TRPM6: variants seen among roughly 807,000 people sequenced by gnomAD.
TRPM6 encodes transient receptor potential cation channel subfamily M member 6.
A neutral mutation model predicts 247.6 loss-of-function variants in TRPM6; 111 were observed. The ratio of observed to expected loss-of-function variants is 0.45; its 90% CI spans 0.38 to 0.52. The LOEUF (loss-of-function observed/expected upper bound fraction) is 0.52. Ranked by LOEUF, TRPM6 falls within the 20% of genes least tolerant of loss-of-function variation. The pLI is 0.00. For missense variants in TRPM6, 2,126 were observed against 2,421.5 expected (o/e 0.88, Z 2.56); for synonymous variants, 892 against 853.8 (o/e 1.04, Z -0.78).
intron 1 of TRPM6, among the ~76,000 whole-genome samples, chr9:74,877,280 C>T (rs1434773559): frequency 6.6e-6 from 1 of 152,140 alleles, no homozygotes; most frequent in Non-Finnish European, 1.5e-5. Context: ...AATGTTCATA[C>T]CAGCATAATT....
chr9:74,863,018 GT>G (rs1830736104), intron 1 of TRPM6, among the ~76,000 whole-genome samples: 1 of 151,730 alleles, frequency 6.6e-6, no homozygotes, highest in African/African-American at 2.4e-5. Context: ...ATGAAACAAA[GT>G]TTTTTTGTTT....
At chr9:74,866,051 A>C (rs149275884) in intron 1 of TRPM6, among the ~76,000 whole-genome samples, 8 of 152,224 alleles carry the variant, frequency 5.3e-5, no homozygotes, top group Admixed American at 5.2e-4. Flanking sequence ...CTAGAATCCC[A>C]GCACTTTGGG....
intron 25 of TRPM6, among the ~76,000 whole-genome samples, chr9:74,765,925 T>A (rs35881520): frequency 5.9e-5 from 9 of 152,172 alleles, no homozygotes; most frequent in Non-Finnish European, 1.3e-4. Context: ...TATAACTCAA[T>A]AGAGGCTTAA....
intron 27 of TRPM6, among the ~76,000 whole-genome samples, chr9:74,757,438 G>T (rs1826465651): frequency 6.6e-6 from 1 of 150,592 alleles, no homozygotes. Flanking sequence ...GGGTGGCACA[G>T]GCCTGTAATC....
intron 9 of TRPM6, among the ~76,000 whole-genome samples, chr9:74,817,976 G>C (rs1438667395): frequency 6.6e-6 from 1 of 152,116 alleles, no homozygotes; most frequent in Non-Finnish European, 1.5e-5. Flanking sequence ...GTATCATAAA[G>C]ATAAAAAACT....
At chr9:74,776,408 TC>T (rs1827225825) in intron 23 of TRPM6, among the ~76,000 whole-genome samples, 1 of 152,134 alleles carries the variant, frequency 6.6e-6, no homozygotes, top group Admixed American at 6.5e-5. Context: ...CATAAGAAGC[TC>T]TTTTCAGTCC....
chr9:74,870,806 C>T (rs1006397028), intron 1 of TRPM6, among the ~76,000 whole-genome samples: 6 of 152,010 alleles, frequency 3.9e-5, no homozygotes, highest in African/African-American at 1.2e-4. Flanking sequence ...TGCCTGTAAT[C>T]CCAGCTACTC....
At chr9:74,815,137 A>C (rs575285484) in intron 11 of TRPM6, among the ~76,000 whole-genome samples, 1 of 152,234 alleles carries the variant, frequency 6.6e-6, no homozygotes, top group African/African-American at 2.4e-5. Flanking sequence ...GTTACGGAAG[A>C]GAAGGGAATG....
At chr9:74,749,039 C>CAA (rs1826147840) in intron 30 of TRPM6, among the ~76,000 whole-genome samples, 2 of 151,996 alleles carry the variant, frequency 1.3e-5, no homozygotes, top group Non-Finnish European at 2.9e-5. Context: ...ACACAAATAC[C>CAA]ATAGCTTACA....
At position 74,728,228 on chromosome 9, in the gene TRPM6, T is replaced by C. The variant is rs2118678926; in HGVS notation, c.5935+11A>G. The C allele has an allele frequency of 6.3e-7, 1 of 1,597,210 alleles. No homozygotes were observed. The highest frequency in any genetic ancestry group is 8.6e-7 in the Non-Finnish European group (1 of 1,164,682). On this transcript the variant is annotated intron_variant, in intron 38 of 38. Coordinates refer to ENST00000360774, the MANE Select transcript of TRPM6 (RefSeq NM_017662.5). ...ATTTACTTAGAGAAAAAAGAACTGT[T>C]AGTGGCATACCCGGGAGTTTGAGCT... is the stretch of plus-strand genomic sequence containing the variant.
chr9:74,778,646 T>A lies in TRPM6; in HGVS notation c.3210-2570A>T, dbSNP rs149957192. 3.9e-5 allele frequency among the ~76,000 whole-genome samples: 6 copies of A among 152,272 alleles called. No homozygotes were observed. In the East Asian group the frequency reaches 1.2e-3, roughly 29 times the overall value. ...TGCAGGTACCAGGAGCCCATACTTA[T>A]CACTTCTTTCAGTGGTGGCCAAGCC... On this transcript the variant is annotated intron_variant, in intron 23 of 38. Coordinates refer to ENST00000360774, the MANE Select transcript of TRPM6 (RefSeq NM_017662.5).
At chr9:74,803,744 G>A (rs1587524349) in intron 15 of TRPM6, 50 bp downstream of exon 15, 9 of 1,284,262 alleles carry the variant, frequency 7.0e-6, no homozygotes, top group East Asian at 2.3e-5. Flanking sequence ...AAACAGTCTC[G>A]AGCTGCAAAA....
In TRPM6 at chr9:74,724,724, G is replaced by GGAAT. The variant is rs771555317; in HGVS notation, c.5954_5957dup (p.Pro1987PhefsTer3). The GGAAT allele has an allele frequency of 6.2e-7, 1 of 1,613,976 alleles. No homozygotes were observed. The highest frequency in any genetic ancestry group is 1.3e-5 in the African/African-American group (1 of 74,888). On this transcript the variant is annotated frameshift_variant, in exon 39 of 39. Coordinates refer to ENST00000360774, the MANE Select transcript of TRPM6 (RefSeq NM_017662.5). LOFTEE classifies it low-confidence loss of function (END_TRUNC). ...CAAAGGTGGAATTTATCCTTTCAGG[G>GGAAT]GAATAGTCATTTCTTTTTAAATCTG...
intron 38 of TRPM6, among the ~76,000 whole-genome samples, chr9:74,726,717 C>G (rs1362507554): frequency 6.6e-6 from 1 of 152,096 alleles, no homozygotes; most frequent in Non-Finnish European, 1.5e-5. Context: ...TGAATCAGAC[C>G]TGGGAAAAGG....
intron 3 of TRPM6, among the ~76,000 whole-genome samples, chr9:74,843,255 G>A (rs1830002499): frequency 6.6e-6 from 1 of 152,116 alleles, no homozygotes; most frequent in Non-Finnish European, 1.5e-5. Context: ...TAGATGTCTT[G>A]CTATTTCCAG....
intron 38 of TRPM6, among the ~76,000 whole-genome samples, chr9:74,725,837 T>A (rs1431388881): frequency 6.6e-6 from 1 of 152,194 alleles, no homozygotes; most frequent in Non-Finnish European, 1.5e-5. Context: ...CTAATACATA[T>A]ACTACCTAAT....
Position 74,742,523 on chromosome 9 carries a change from T to TC in TRPM6, c.5200+37dup, listed in dbSNP as rs767475644. 2.5e-6 allele frequency: 4 copies of TC among 1,579,844 alleles called. No homozygotes were observed. The African/African-American group carries it at 5.4e-5, about 21-fold the overall frequency. On this transcript the variant is annotated intron_variant, in intron 33 of 38. Coordinates refer to ENST00000360774, the MANE Select transcript of TRPM6 (RefSeq NM_017662.5). ...GATTCACTCAGATTTTATGCCTCTG[T>TC]CCTGGCATAAACTCAAGAAGGTAGA...
In TRPM6 at chr9:74,724,226, G is replaced by A. The variant is rs1433448808; in HGVS notation, c.*387C>T. ...GTGGGTGAGGTGACAAATAGTAGTAGGGGGTCCAGTCTGCATACATAGTGA... is the reference window on the plus strand; with the variant it reads ...GTGGGTGAGGTGACAAATAGTAGTAAGGGGTCCAGTCTGCATACATAGTGA... On this transcript the variant is annotated 3_prime_UTR_variant, in exon 39 of 39. Transcript: ENST00000360774. The A allele has an allele frequency of 1.1e-5, 3 of 272,336 alleles. No individual in the cohort carries two copies. Among genetic ancestry groups the A allele is most frequent in the Non-Finnish European group, 2.1e-5 (3 of 140,242 alleles). The allele number at this position is 272,336 out of a possible 1,614,324, so 16.9% of individuals were successfully genotyped here.
chr9:74,804,520 A>T (rs1282750200), intron 14 of TRPM6: 1 of 719,880 alleles, frequency 1.4e-6, no homozygotes, highest in Non-Finnish European at 2.5e-6. Context: ...GAGATTGAAA[A>T]AGAAGAGCAG....
Sources: allele counts gnomAD v4.1 joint callset (sites outside exome capture counted in the v4.1 genomes callset), GRCh38; gene constraint gnomAD v4.1.1; transcripts MANE v1.5; gene names NCBI Gene and HGNC (gene_info 2026-07-23, HGNC 2026-07-21).